NEK5: variants seen among roughly 807,000 people sequenced by gnomAD.
NEK5 encodes NIMA related kinase 5.
NEK5 carries 88 observed loss-of-function variants against 109.2 expected under a neutral mutation model. That is an observed-to-expected ratio of 0.81 (90% CI 0.68 to 0.96). NEK5 has a LOEUF of 0.96. Among genes scored for constraint, NEK5 ranks in the 40% least tolerant of loss-of-function variants. The probability of loss-of-function intolerance (pLI) is 0.00; values close to 1 mark genes in which losing one functional copy is unlikely to be tolerated. For synonymous variants in NEK5, 283 were observed against 299.9 expected, an observed-to-expected ratio of 0.94 and a Z score of 0.58; for missense variants, 834 against 920.7, an observed-to-expected ratio of 0.91 and a Z score of 1.22.
chr13:52,080,047 G>A (rs1954958812), intron 17 of NEK5, among the ~76,000 whole-genome samples: 1 of 151,514 alleles, frequency 6.6e-6, no homozygotes, highest in Admixed American at 6.6e-5. Context: ...TAAGAAGTGA[G>A]GAGCCCCTCC....
chr13:52,058,124 G>C (rs1488181317), intron 22 of NEK5, among the ~76,000 whole-genome samples: 1 of 147,202 alleles, frequency 6.8e-6, no homozygotes, highest in East Asian at 2.0e-4. Flanking sequence ...CAAAATCAAT[G>C]TACAAAAATC....
chr13:52,043,301 G>A (rs993623884), intron 23 of NEK5, among the ~76,000 whole-genome samples: 4 of 152,062 alleles, frequency 2.6e-5, no homozygotes, highest in African/African-American at 9.6e-5. Context: ...CACTTTGGGA[G>A]GCTGAGGTGG....
At chr13:52,053,850 C>T (rs1954529262) in intron 22 of NEK5, among the ~76,000 whole-genome samples, 1 of 152,196 alleles carries the variant, frequency 6.6e-6, no homozygotes, top group Non-Finnish European at 1.5e-5. Context: ...AACCATCTCC[C>T]CACTGCTAGC....
rs1358169448 is a variant in NEK5, at chr13:52,034,047, C to T, written c.*2901G>A. 6.6e-6 allele frequency: 1 copy of T among 152,192 alleles called. No homozygotes were observed. The highest frequency in any genetic ancestry group is 1.5e-5 in the Non-Finnish European group (1 of 68,050). The allele number at this position is 152,192 out of a possible 1,614,324, so 9.4% of individuals were successfully genotyped here. On this transcript the variant is annotated 3_prime_UTR_variant, in exon 24 of 24. Transcript: ENST00000684899. ...TGTTCCAATATTCTGGTGCTATGTGCTCAGTTGTACTATATGCAAATGTTA... is the reference window on the plus strand; with the variant it reads ...TGTTCCAATATTCTGGTGCTATGTGTTCAGTTGTACTATATGCAAATGTTA...
chr13:52,106,425 T>C (rs1566809035), intron 8 of NEK5, among the ~76,000 whole-genome samples: 1 of 152,158 alleles, frequency 6.6e-6, no homozygotes, highest in Non-Finnish European at 1.5e-5. Flanking sequence ...CTTCTCCTTA[T>C]AGGAAGCAAA....
At chr13:52,092,307 T>C (rs991926410) in intron 13 of NEK5, among the ~76,000 whole-genome samples, 1 of 152,194 alleles carries the variant, frequency 6.6e-6, no homozygotes, top group Non-Finnish European at 1.5e-5. Flanking sequence ...TCACAGTACA[T>C]GTAATTCCCA....
At chr13:52,038,979 G>A (rs1289151535) in intron 23 of NEK5, among the ~76,000 whole-genome samples, 1 of 152,124 alleles carries the variant, frequency 6.6e-6, no homozygotes, top group Non-Finnish European at 1.5e-5. Context: ...TTTATATGCT[G>A]AGGAAAGGAG....
intron 4 of NEK5, among the ~76,000 whole-genome samples, chr13:52,115,509 G>T (rs1428310979): frequency 2.0e-5 from 3 of 149,790 alleles, no homozygotes; most frequent in African/African-American, 7.4e-5. Flanking sequence ...GGAGGCTGAG[G>T]CAGGAGAATT....
intron 23 of NEK5, 67 bp downstream of exon 23, chr13:52,050,037 G>T: frequency 2.0e-6 from 1 of 502,336 alleles, no homozygotes; most frequent in Non-Finnish European, 2.6e-6. Context: ...TATTTTGAAT[G>T]TCTCAACTGC....
At chr13:52,118,146 C>T (rs1215317922) in intron 4 of NEK5, among the ~76,000 whole-genome samples, 1 of 152,230 alleles carries the variant, frequency 6.6e-6, no homozygotes, top group Non-Finnish European at 1.5e-5. Flanking sequence ...CAGTGCTCTG[C>T]ACAGTTTACA....
chr13:52,049,847 A>G (rs1337858914), intron 23 of NEK5, among the ~76,000 whole-genome samples: 1 of 152,224 alleles, frequency 6.6e-6, no homozygotes, highest in Non-Finnish European at 1.5e-5. Context: ...GAAGACTGCT[A>G]GCACAATATG....
chr13:52,064,648 G>A lies in NEK5; in HGVS notation c.1975+836C>T, dbSNP rs1430128759. On this transcript the variant is annotated intron_variant, in intron 21 of 23. Transcript: ENST00000684899. ...CCCAACAGCTCATTGAGAACGGGCC[G>A]GGATGACAATGGCGGTTTTGTGGAA... 34 of 234,198 alleles carry A rather than the reference G, an allele frequency of 1.5e-4. No individual in the cohort carries two copies. The East Asian group carries it at 2.3e-3, about 16-fold the overall frequency. The allele number at this position is 234,198 out of a possible 1,614,324, so 14.5% of individuals were successfully genotyped here.
intron 20 of NEK5, among the ~76,000 whole-genome samples, chr13:52,068,737 G>C (rs1026172094): frequency 1.3e-5 from 2 of 152,176 alleles, no homozygotes; most frequent in African/African-American, 2.4e-5. Flanking sequence ...GGGAGGCCAA[G>C]GTGGGCAGAT....
rs1051422917 is a variant in NEK5 at position 52,083,324 on chromosome 13, T to C, written c.1508A>G (p.Tyr503Cys). 1 of 1,612,448 alleles carries C rather than the reference T, an allele frequency of 6.2e-7. No individual in the cohort carries two copies. Among genetic ancestry groups the C allele is most frequent in the Admixed American group, 1.7e-5 (1 of 59,980 alleles). ...AGGCAGGTTACTCTTCTTCACCAAATAGGTTTTATGACTTATTTTTGAGTT... is the reference window on the plus strand; with the variant it reads ...AGGCAGGTTACTCTTCTTCACCAAACAGGTTTTATGACTTATTTTTGAGTT... ...EENSKISHKT[Y>C]LVKKSNLPVH... Residue 503 changes from tyrosine (Y) to cysteine (C), a missense_variant, in exon 17 of 24, where the codon TAT becomes TGT. By Grantham distance (194) the Tyr-to-Cys change is radical. This residue lies in a region of NEK5 where 777 missense variants were observed against 824.7 expected (regional missense o/e 0.94). Transcript: ENST00000684899.
intron 23 of NEK5, among the ~76,000 whole-genome samples, chr13:52,045,049 A>G (rs1386212476): frequency 6.6e-6 from 1 of 152,100 alleles, no homozygotes; most frequent in East Asian, 1.9e-4. Flanking sequence ...ATCAATAATT[A>G]GACTAGAAAG....
At chr13:52,105,729 C>T (rs34288155) in intron 8 of NEK5, among the ~76,000 whole-genome samples, 3,236 of 152,250 alleles carry the variant, frequency 0.021, 83 homozygotes, top group Admixed American at 0.084. Context: ...CAGTTGCAGG[C>T]CTGAGACCAC....
intron 22 of NEK5, among the ~76,000 whole-genome samples, chr13:52,061,527 G>C (rs1434977964): frequency 6.6e-6 from 1 of 152,208 alleles, no homozygotes; most frequent in South Asian, 2.1e-4. Flanking sequence ...GACTCAGGTA[G>C]AGCAAAACAA....
intron 13 of NEK5, 80 bp from the exon 14 acceptor site, chr13:52,089,393 A>G (rs1955228733): frequency 1.2e-6 from 1 of 862,010 alleles, no homozygotes; most frequent in African/African-American, 1.7e-5. Flanking sequence ...TTTTCAGTTT[A>G]GTAATGAGAT....
chr13:52,090,076 A>G (rs751779424), intron 13 of NEK5, among the ~76,000 whole-genome samples: 4 of 152,214 alleles, frequency 2.6e-5, no homozygotes, highest in Non-Finnish European at 5.9e-5. Flanking sequence ...CCATCCCTTT[A>G]TCTCCGCACA....
Sources: allele counts gnomAD v4.1 joint callset (sites outside exome capture counted in the v4.1 genomes callset), GRCh38; gene constraint gnomAD v4.1.1; regional missense constraint gnomAD v4.1.1; transcripts MANE v1.5; gene names NCBI Gene and HGNC (gene_info 2026-07-23, HGNC 2026-07-21).